HMGB1: variants seen among roughly 807,000 people sequenced by gnomAD.
HMGB1 encodes the protein high mobility group protein B1.
For synonymous variants in HMGB1, 81 were observed against 84.0 expected, an observed-to-expected ratio of 0.96 and a Z score of 0.19; for missense variants, 79 against 253.5, an observed-to-expected ratio of 0.31 and a Z score of 4.67.
chr13:30,483,617 C>T (rs78198597), intron 1 of HMGB1, among the ~76,000 whole-genome samples: 15 of 135,878 alleles, frequency 1.1e-4, no homozygotes, highest in East Asian at 2.2e-4. Flanking sequence ...GTGCAAATTT[C>T]TTTTTTTTTT....
intron 1 of HMGB1, among the ~76,000 whole-genome samples, chr13:30,526,514 C>T (rs1237388009): frequency 1.4e-5 from 2 of 141,322 alleles, no homozygotes; most frequent in African/African-American, 5.2e-5. Context: ...TATCATTTCA[C>T]CTCTGAGTCT....
intron 1 of HMGB1, among the ~76,000 whole-genome samples, chr13:30,478,600 A>C (rs1887152810): frequency 6.6e-6 from 1 of 152,244 alleles, no homozygotes; most frequent in Admixed American, 6.5e-5. Flanking sequence ...GAATCCAGAA[A>C]AGACTGAAAG....
chr13:30,582,243 GTTTC>G (rs1212968195), intron 1 of HMGB1, among the ~76,000 whole-genome samples: 1 of 152,154 alleles, frequency 6.6e-6, no homozygotes, highest in Non-Finnish European at 1.5e-5. Context: ...ACTTATCCTT[GTTTC>G]TTTCATTTTG....
At chr13:30,462,270 T>C (rs1330610213) in intron 4 of HMGB1, 1 of 461,038 alleles carries the variant, frequency 2.2e-6, no homozygotes, top group African/African-American at 2.0e-5. Context: ...TGACTTGAAG[T>C]GACTACCAAC....
chr13:30,584,513 G>A (rs1871057922), intron 1 of HMGB1, among the ~76,000 whole-genome samples: 1 of 152,092 alleles, frequency 6.6e-6, no homozygotes, highest in African/African-American at 2.4e-5. Flanking sequence ...AGCATTCCTT[G>A]AGGGCAGAGA....
chr13:30,462,220 T>C, intron 4 of HMGB1: 1 of 384,696 alleles, frequency 2.6e-6, no homozygotes, highest in Non-Finnish European at 5.0e-6. Context: ...TCTAGCCTGT[T>C]TTTGTACTGT....
chr13:30,542,087 C>T (rs1868918726), intron 1 of HMGB1: 1 of 153,714 alleles, frequency 6.5e-6, no homozygotes, highest in Non-Finnish European at 1.5e-5. Context: ...CCTGACTCTC[C>T]TCTTGGTGTT....
chr13:30,527,028 G>C (rs1888383703), intron 1 of HMGB1, among the ~76,000 whole-genome samples: 1 of 152,334 alleles, frequency 6.6e-6, no homozygotes, highest in African/African-American at 2.4e-5. Context: ...TGGCCAGGAG[G>C]AGCCCGGAGG....
At chr13:30,616,883 C>A (rs1169427031) in exon 1 of HMGB1, 1 of 152,110 alleles carries the variant, frequency 6.6e-6, no homozygotes, top group East Asian at 1.9e-4. Flanking sequence ...TCCAAAATAC[C>A]AATTGTGGTT....
At chr13:30,604,689 G>T (rs1193956728) in intron 1 of HMGB1, among the ~76,000 whole-genome samples, 1 of 152,162 alleles carries the variant, frequency 6.6e-6, no homozygotes, top group Admixed American at 6.5e-5. Flanking sequence ...ACGGAGTCTC[G>T]CTCTGTCGCC....
At chr13:30,589,786 C>G (rs1193189797) in intron 1 of HMGB1, among the ~76,000 whole-genome samples, 1 of 151,976 alleles carries the variant, frequency 6.6e-6, no homozygotes, top group Non-Finnish European at 1.5e-5. Context: ...ATTAGAGTCA[C>G]TTGAACCTGG....
rs1886173233 is a variant in HMGB1 at position 30,459,505 on chromosome 13, GCTC to G, written c.*1849_*1851del. The G allele has an allele frequency of 6.6e-6, 1 of 151,872 alleles. No individual in the cohort carries two copies. Among genetic ancestry groups the G allele is most frequent in the Admixed American group, 6.6e-5 (1 of 15,240 alleles). The allele number at this position is 151,872 out of a possible 1,614,324, so 9.4% of individuals were successfully genotyped here. Reference sequence around the variant, plus strand: ...CCATCTAAATCAGATTGAGTCATTTGCTCCTCTTAACAAAAAATCTGATGTTCG... The same window carrying G: ...CCATCTAAATCAGATTGAGTCATTTGCTCTTAACAAAAAATCTGATGTTCG... On this transcript the variant is annotated 3_prime_UTR_variant, in exon 5 of 5. Coordinates refer to ENST00000341423, the MANE Select transcript of HMGB1 (RefSeq NM_002128.7).
At position 30,572,657 on chromosome 13, in the gene HMGB1, T is replaced by C. The variant is rs537007914; in HGVS notation, c.-15+44014A>G. ...ACTTTGCTAATTCTTAGTGACTCCG[T>C]TGACCCTGGTGTAAGGATCAGGAAC... is the stretch of plus-strand genomic sequence containing the variant. On this transcript the variant is annotated intron_variant, in intron 1 of 4. Transcript: ENST00000405805. Among the ~76,000 whole-genome samples, 23 of 152,348 alleles carry C rather than the reference T, an allele frequency of 1.5e-4. No individual in the cohort carries two copies. The South Asian group carries it at 4.6e-3, about 30-fold the overall frequency.
At chr13:30,578,816 C>A (rs1401066587) in intron 1 of HMGB1, among the ~76,000 whole-genome samples, 2 of 152,240 alleles carry the variant, frequency 1.3e-5, no homozygotes, top group East Asian at 3.8e-4. Flanking sequence ...CGCTTTCAAA[C>A]CTCCCTGACT....
intron 1 of HMGB1, among the ~76,000 whole-genome samples, chr13:30,538,702 TTTTTCTTTCTTTC>T (rs1302279649): frequency 5.9e-5 from 7 of 119,006 alleles, no homozygotes; most frequent in Admixed American, 4.1e-4. Context: ...TCTTTCTTTC[TTTTTCTTTCTTTC>T]TTCTTTTTCT....
At chr13:30,555,184 G>A (rs550352522) in intron 1 of HMGB1, among the ~76,000 whole-genome samples, 28 of 152,056 alleles carry the variant, frequency 1.8e-4, no homozygotes, top group African/African-American at 4.8e-4. Flanking sequence ...TGGGAATACA[G>A]GCGCCCGCCA....
rs1003913627 is a variant in HMGB1 at position 30,458,522 on chromosome 13, G to T, written c.*2835C>A. Reference sequence around the variant, plus strand: ...TTTTTTGTATTTTTAGTAGAGGCGGGGTTTCACCACGTTAGCCAGGATGGT... The same window carrying T: ...TTTTTTGTATTTTTAGTAGAGGCGGTGTTTCACCACGTTAGCCAGGATGGT... On this transcript the variant is annotated 3_prime_UTR_variant, in exon 5 of 5. Coordinates refer to ENST00000341423, the MANE Select transcript of HMGB1 (RefSeq NM_002128.7). 6.6e-6 allele frequency: 1 copy of T among 152,196 alleles called. No homozygotes were observed. Among genetic ancestry groups the T allele is most frequent in the Non-Finnish European group, 1.5e-5 (1 of 68,104 alleles). 9.4% of individuals were successfully genotyped at this position (152,196 alleles called of 1,614,324 possible). A position where few individuals can be genotyped will look rare whatever the true frequency, so the allele number is the denominator to read the frequency against.
chr13:30,508,682 T>C (rs1887924823), intron 1 of HMGB1, among the ~76,000 whole-genome samples: 1 of 152,184 alleles, frequency 6.6e-6, no homozygotes, highest in Non-Finnish European at 1.5e-5. Context: ...TCACCGCCTT[T>C]CATTTTGACA....
At chr13:30,613,193 C>T (rs539213256) in intron 1 of HMGB1, among the ~76,000 whole-genome samples, 1 of 152,154 alleles carries the variant, frequency 6.6e-6, no homozygotes, top group South Asian at 2.1e-4. Context: ...CATTTTCATG[C>T]CTCATCCTCC....
Sources: allele counts gnomAD v4.1 joint callset (sites outside exome capture counted in the v4.1 genomes callset), GRCh38; gene constraint gnomAD v4.1.1; transcripts MANE v1.5; gene names NCBI Gene and HGNC (gene_info 2026-07-23, HGNC 2026-07-21).